The following ARHGAP24 variants were observed in gnomAD, a reference collection of about 807,000 sequenced individuals.
ARHGAP24 encodes Rho GTPase activating protein 24.
A neutral mutation model predicts 76.4 loss-of-function variants in ARHGAP24; 50 were observed. The ratio of observed to expected loss-of-function variants is 0.65; its 90% CI spans 0.52 to 0.83. ARHGAP24 has a LOEUF of 0.83. ARHGAP24 is among the 40% of genes least tolerant of loss of function. The pLI is 0.00. For missense variants in ARHGAP24, 930 were observed against 914.2 expected, an observed-to-expected ratio of 1.02 and a Z score of -0.22; for synonymous variants, 345 against 323.3, an observed-to-expected ratio of 1.07 and a Z score of -0.72.
In ARHGAP24 at chr4:85,683,472, C is replaced by A. The variant is rs150379606; in HGVS notation, c.181-38413C>A. Among the ~76,000 whole-genome samples, 350 of 152,236 alleles carry A rather than the reference C, an allele frequency of 2.3e-3. 2 individuals carry two copies. Among genetic ancestry groups the A allele is most frequent in the African/African-American group, 7.9e-3 (329 of 41,540 alleles). On this transcript the variant is annotated intron_variant, in intron 2 of 9. Transcript: ENST00000395184. ...ATTGCTCATTTAACTCTTAACTCAC[C>A]TACTTATTTAAAAAAGTATTTGAAC...
At chr4:85,784,628 A>G (rs1727721632) in intron 3 of ARHGAP24, among the ~76,000 whole-genome samples, 1 of 151,928 alleles carries the variant, frequency 6.6e-6, no homozygotes, top group South Asian at 2.1e-4. Context: ...AGGGCCTCCT[A>G]TTCAATGCTG....
chr4:85,716,635 G>T (rs780394519), intron 2 of ARHGAP24, among the ~76,000 whole-genome samples: 1 of 151,956 alleles, frequency 6.6e-6, no homozygotes, highest in Non-Finnish European at 1.5e-5. Flanking sequence ...CTTGCACCCT[G>T]GTTCTTTTGT....
At chr4:85,546,774 T>G (rs559618795) in intron 1 of ARHGAP24, among the ~76,000 whole-genome samples, 11 of 152,306 alleles carry the variant, frequency 7.2e-5, no homozygotes, top group Non-Finnish European at 1.6e-4. Context: ...GCCATGTGTG[T>G]TGTTTGTTTT....
chr4:85,870,737 T>C (rs1028570782), intron 3 of ARHGAP24, among the ~76,000 whole-genome samples: 1 of 152,132 alleles, frequency 6.6e-6, no homozygotes, highest in African/African-American at 2.4e-5. Context: ...TATTTAATTA[T>C]TGAATGAGGG....
In ARHGAP24 at chr4:85,882,302, A is replaced by G. The variant is rs181218413; in HGVS notation, c.269-41346A>G. ...AATTTGCAGATATTATCAGTATCAT[A>G]TGTTTATGAGGAGAATTAGATGACA... On this transcript the variant is annotated intron_variant, in intron 3 of 9. Coordinates refer to ENST00000395184, the MANE Select transcript of ARHGAP24 (RefSeq NM_001025616.3). Among the ~76,000 whole-genome samples the G allele has an allele frequency of 2.7e-4, 41 of 152,274 alleles. No individual in the cohort carries two copies. The East Asian group carries it at 7.1e-3, about 27-fold the overall frequency.
At chr4:85,665,660 T>C (rs1722585667) in intron 2 of ARHGAP24, among the ~76,000 whole-genome samples, 1 of 152,226 alleles carries the variant, frequency 6.6e-6, no homozygotes, top group Non-Finnish European at 1.5e-5. Flanking sequence ...TACCGGTTTT[T>C]CCTTTCCATG....
chr4:85,513,686 C>G (rs1043969299), intron 1 of ARHGAP24, among the ~76,000 whole-genome samples: 5 of 152,124 alleles, frequency 3.3e-5, no homozygotes, highest in Admixed American at 1.3e-4. Context: ...CTCATATGAG[C>G]AAACTATGGG....
chr4:85,997,246 G>C (rs1451470927), intron 9 of ARHGAP24, among the ~76,000 whole-genome samples: 2 of 152,048 alleles, frequency 1.3e-5, no homozygotes, highest in East Asian at 3.9e-4. Flanking sequence ...CACAAGCATT[G>C]AAGGTAGATG....
chr4:85,977,498 C>G, intron 7 of ARHGAP24, 72 bp from the exon 8 acceptor site: 1 of 1,538,774 alleles, frequency 6.5e-7, no homozygotes. Flanking sequence ...TGTAAATTTT[C>G]TAATGATCGA....
intron 3 of ARHGAP24, among the ~76,000 whole-genome samples, chr4:85,746,010 G>T (rs1335738882): frequency 6.6e-6 from 1 of 152,208 alleles, no homozygotes; most frequent in Admixed American, 6.5e-5. Flanking sequence ...AAGGCAATTT[G>T]ATGTAAGTTA....
intron 1 of ARHGAP24, among the ~76,000 whole-genome samples, chr4:85,531,031 T>A (rs1384236507): frequency 6.6e-6 from 1 of 152,044 alleles, no homozygotes; most frequent in Non-Finnish European, 1.5e-5. Flanking sequence ...TGGCTGATTT[T>A]CTATTTTTGT....
At chr4:85,671,607 C>G (rs1722817564) in intron 2 of ARHGAP24, among the ~76,000 whole-genome samples, 1 of 152,122 alleles carries the variant, frequency 6.6e-6, no homozygotes, top group Non-Finnish European at 1.5e-5. Context: ...GAGCTATGAG[C>G]ACAGGCCTTC....
At chr4:85,688,902 T>C (rs909676699) in intron 2 of ARHGAP24, among the ~76,000 whole-genome samples, 2 of 152,196 alleles carry the variant, frequency 1.3e-5, no homozygotes, top group African/African-American at 4.8e-5. Flanking sequence ...GTTCCATTGG[T>C]CTGTGTGTCT....
intron 5 of ARHGAP24, among the ~76,000 whole-genome samples, chr4:85,962,359 T>C (rs1021875905): frequency 2.0e-5 from 3 of 152,134 alleles, no homozygotes; most frequent in Admixed American, 6.6e-5. Context: ...TGCATCATTA[T>C]AGTGCACCTA....
intron 2 of ARHGAP24, among the ~76,000 whole-genome samples, chr4:85,715,444 G>A (rs988519654): frequency 1.3e-5 from 2 of 151,966 alleles, no homozygotes; most frequent in Non-Finnish European, 2.9e-5. Context: ...AGGCACTTTT[G>A]TACAAACTTC....
intron 3 of ARHGAP24, among the ~76,000 whole-genome samples, chr4:85,897,456 ATTAT>A (rs1326726120): frequency 6.6e-6 from 1 of 152,232 alleles, no homozygotes; most frequent in Non-Finnish European, 1.5e-5. Flanking sequence ...ATGTTAAGGC[ATTAT>A]TTATTATTGT....
At chr4:85,789,036 T>C (rs1369580942) in intron 3 of ARHGAP24, among the ~76,000 whole-genome samples, 1 of 152,102 alleles carries the variant, frequency 6.6e-6, no homozygotes, top group African/African-American at 2.4e-5. Context: ...AGATGACTTG[T>C]GGCTGGAGCC....
intron 3 of ARHGAP24, among the ~76,000 whole-genome samples, chr4:85,831,832 G>T (rs11940209): frequency 6.6e-6 from 1 of 150,868 alleles, no homozygotes; most frequent in African/African-American, 2.4e-5. Flanking sequence ...AGTCCCGGAA[G>T]TCAAGGCTGC....
At chr4:85,938,155 C>T (rs1270514968) in intron 4 of ARHGAP24, among the ~76,000 whole-genome samples, 2 of 152,138 alleles carry the variant, frequency 1.3e-5, no homozygotes, top group East Asian at 1.9e-4. Context: ...GTGTGATTTA[C>T]GTTCTCAGTC....
Sources: gnomAD v4.1 joint callset for allele counts (sites outside exome capture counted in the v4.1 genomes callset) on GRCh38, gnomAD v4.1.1 for gene constraint, MANE v1.5 for transcripts, NCBI Gene and HGNC (gene_info 2026-07-23, HGNC 2026-07-21) for gene names.